The following CACNA2D3 variants were observed in gnomAD, a reference collection of about 807,000 sequenced individuals.
CACNA2D3 encodes the protein calcium voltage-gated channel auxiliary subunit alpha2delta 3.
Under a neutral mutation model 160.6 loss-of-function variants are expected in CACNA2D3, and 60 were observed. The observed-to-expected ratio is 0.37, with a 90% CI of 0.30 to 0.46. The LOEUF (loss-of-function observed/expected upper bound fraction) is 0.46. Among genes scored for constraint, CACNA2D3 ranks in the 20% least tolerant of loss-of-function variants. The pLI is 1.00. For missense variants in CACNA2D3, 1,205 were observed against 1,365.0 expected, an observed-to-expected ratio of 0.88 and a Z score of 1.85; for synonymous variants, 558 against 492.9, an observed-to-expected ratio of 1.13 and a Z score of -1.75.
chr3:55,035,173 AG>A (rs1703786717), intron 35 of CACNA2D3, among the ~76,000 whole-genome samples: 1 of 152,186 alleles, frequency 6.6e-6, no homozygotes. Context: ...TTAAATTGTA[AG>A]AAAAACAGAA....
At chr3:55,022,157 C>T (rs1218276991) in intron 35 of CACNA2D3, among the ~76,000 whole-genome samples, 1 of 152,022 alleles carries the variant, frequency 6.6e-6, no homozygotes, top group Non-Finnish European at 1.5e-5. Context: ...CCATGGACAT[C>T]CCTGTTCATG....
chr3:54,593,427 G>C (rs1702897950), intron 9 of CACNA2D3, among the ~76,000 whole-genome samples: 1 of 151,824 alleles, frequency 6.6e-6, no homozygotes, highest in African/African-American at 2.4e-5. Flanking sequence ...GGGGAGGAGA[G>C]ACGAGGAAAG....
chr3:54,201,848 C>G (rs1334335799), intron 2 of CACNA2D3, among the ~76,000 whole-genome samples: 1 of 152,166 alleles, frequency 6.6e-6, no homozygotes, highest in African/African-American at 2.4e-5. Flanking sequence ...CTCATCCCAG[C>G]AATTCCTGAC....
chr3:54,173,345 G>A (rs1487236044), intron 2 of CACNA2D3, among the ~76,000 whole-genome samples: 1 of 152,114 alleles, frequency 6.6e-6, no homozygotes, highest in Non-Finnish European at 1.5e-5. Flanking sequence ...TGTATTATTA[G>A]CCTTCTCCAT....
chr3:54,731,282 C>G (rs1453220675), intron 11 of CACNA2D3, among the ~76,000 whole-genome samples: 1 of 152,196 alleles, frequency 6.6e-6, no homozygotes, highest in East Asian at 1.9e-4. Flanking sequence ...GAAATGGACA[C>G]TTAGGATCTT....
At chr3:54,431,327 C>CAAA (rs538169080) in intron 4 of CACNA2D3, among the ~76,000 whole-genome samples, 75 of 85,072 alleles carry the variant, frequency 8.8e-4, no homozygotes, top group Admixed American at 2.5e-3. Flanking sequence ...GACTCCGTCT[C>CAAA]AAAAAAAAAA....
At chr3:54,960,420 C>G (rs773311347) in intron 27 of CACNA2D3, among the ~76,000 whole-genome samples, 1 of 152,122 alleles carries the variant, frequency 6.6e-6, no homozygotes, top group African/African-American at 2.4e-5. Context: ...ACCTCCTCCC[C>G]TTTTATCATT....
chr3:54,528,209 A>G (rs1298208952), intron 5 of CACNA2D3, among the ~76,000 whole-genome samples: 1 of 152,126 alleles, frequency 6.6e-6, no homozygotes, highest in Non-Finnish European at 1.5e-5. Flanking sequence ...GGCTTTGTAT[A>G]TGAGTCACAG....
intron 2 of CACNA2D3, among the ~76,000 whole-genome samples, chr3:54,176,274 C>T (rs967215862): frequency 6.6e-6 from 1 of 152,164 alleles, no homozygotes; most frequent in Non-Finnish European, 1.5e-5. Context: ...TTCTGTTTTT[C>T]CAAATGGTTT....
chr3:54,998,248 G>A (rs1458662199), intron 31 of CACNA2D3, among the ~76,000 whole-genome samples: 1 of 148,304 alleles, frequency 6.7e-6, no homozygotes, highest in East Asian at 2.0e-4. Flanking sequence ...CAATTCTCAT[G>A]TCTTAGCCTG....
chr3:54,524,312 A>T (rs944296424), intron 5 of CACNA2D3, among the ~76,000 whole-genome samples: 1 of 152,040 alleles, frequency 6.6e-6, no homozygotes, highest in Admixed American at 6.6e-5. Flanking sequence ...GAATTCCCCA[A>T]ATTTCTTCCT....
intron 4 of CACNA2D3, among the ~76,000 whole-genome samples, chr3:54,476,485 T>G (rs1332562873): frequency 2.2e-4 from 33 of 152,106 alleles, no homozygotes; most frequent in Admixed American, 2.2e-3. Context: ...ACCACCACAC[T>G]GTTTTCCATA....
At chr3:54,867,852 C>T (rs1699438381) in intron 17 of CACNA2D3, among the ~76,000 whole-genome samples, 1 of 152,224 alleles carries the variant, frequency 6.6e-6, no homozygotes, top group Non-Finnish European at 1.5e-5. Context: ...GGGTTATGTA[C>T]CCACCTCTGA....
At chr3:54,373,230 A>C (rs957171234) in intron 3 of CACNA2D3, among the ~76,000 whole-genome samples, 3 of 152,196 alleles carry the variant, frequency 2.0e-5, no homozygotes, top group Non-Finnish European at 4.4e-5. Flanking sequence ...GAGTCAGGGC[A>C]ATAGTCTTAT....
chr3:54,226,212 A>G (rs1272822551), intron 2 of CACNA2D3, among the ~76,000 whole-genome samples: 1 of 151,648 alleles, frequency 6.6e-6, no homozygotes, highest in East Asian at 1.9e-4. Flanking sequence ...CTCTCTAACC[A>G]TGATACTTGT....
At chr3:54,247,086 C>T (rs963910469) in intron 2 of CACNA2D3, among the ~76,000 whole-genome samples, 4 of 151,972 alleles carry the variant, frequency 2.6e-5, no homozygotes, top group East Asian at 1.9e-4. Flanking sequence ...CCCAGGTGGG[C>T]GGATCACCTG....
At chr3:54,745,082 A>G (rs1559566996) in intron 11 of CACNA2D3, among the ~76,000 whole-genome samples, 1 of 152,260 alleles carries the variant, frequency 6.6e-6, no homozygotes. Flanking sequence ...AGTATATTGT[A>G]TCCATAGTTC....
Position 54,526,024 on chromosome 3 carries a change from GT to G in CACNA2D3, c.544+22378del, listed in dbSNP as rs56257807. ...CATCTGAGCTCTGTTCATTTTTTCTGTTTTTTTTAATTGCATAATCTCTATT... is the reference window on the plus strand; with the variant it reads ...CATCTGAGCTCTGTTCATTTTTTCTGTTTTTTTAATTGCATAATCTCTATT... On this transcript the variant is annotated intron_variant, in intron 5 of 37. Transcript: ENST00000474759. Among the ~76,000 whole-genome samples, 68 of 150,750 alleles carry G rather than the reference GT, an allele frequency of 4.5e-4. 1 individual carries two copies. The highest frequency in any genetic ancestry group is 1.5e-3 in the African/African-American group (63 of 41,076).
chr3:54,215,321 C>T (rs1037453314), intron 2 of CACNA2D3, among the ~76,000 whole-genome samples: 4 of 152,172 alleles, frequency 2.6e-5, no homozygotes, highest in African/African-American at 9.7e-5. Flanking sequence ...ACCTCACATA[C>T]TTCTCATTTT....
Sources: gnomAD v4.1 joint callset for allele counts (sites outside exome capture counted in the v4.1 genomes callset) on GRCh38, gnomAD v4.1.1 for gene constraint, MANE v1.5 for transcripts, NCBI Gene and HGNC (gene_info 2026-07-23, HGNC 2026-07-21) for gene names.